The following PTGS1 variants were observed in gnomAD, a reference collection of about 807,000 sequenced individuals.
PTGS1 encodes prostaglandin G/H synthase 1.
In PTGS1, 40 loss-of-function variants were observed where a neutral mutation model predicts 63.0. That is an observed-to-expected ratio of 0.63 (90% CI 0.49 to 0.83). The LOEUF (loss-of-function observed/expected upper bound fraction) is 0.83, where lower values mean the gene tolerates loss of function less well. PTGS1 is among the 40% of genes least tolerant of loss of function. The pLI, the probability that PTGS1 is intolerant of heterozygous loss-of-function variation, is 0.00. For synonymous variants in PTGS1, 298 were observed against 301.9 expected, an observed-to-expected ratio of 0.99 and a Z score of 0.13; for missense variants, 709 against 786.5, an observed-to-expected ratio of 0.90 and a Z score of 1.18.
At position 122,395,387 on chromosome 9, in the gene PTGS1, T is replaced by C. The variant is rs899663973; in HGVS notation, c.*2843T>C. 7 of 152,230 alleles carry C rather than the reference T, an allele frequency of 4.6e-5. No homozygotes were observed. In the South Asian group the frequency reaches 6.2e-4, roughly 13 times the overall value. The allele number at this position is 152,230 out of a possible 1,614,324, so 9.4% of individuals were successfully genotyped here. A position where few individuals can be genotyped will look rare whatever the true frequency, so the allele number is the denominator to read the frequency against. On this transcript the variant is annotated 3_prime_UTR_variant, in exon 11 of 11. Transcript: ENST00000362012. Reference sequence around the variant, plus strand: ...TTTATTTGTCAGTTTGGTTGGGCTATAGCACACAGTTATTTAATCAAACAG... The same window carrying C: ...TTTATTTGTCAGTTTGGTTGGGCTACAGCACACAGTTATTTAATCAAACAG...
intron 2 of PTGS1, 50 bp from the exon 3 acceptor site, chr9:122,377,849 G>C (rs201829226): frequency 1.3e-6 from 2 of 1,529,612 alleles, no homozygotes; most frequent in African/African-American, 1.4e-5. Flanking sequence ...CTAGATGGGG[G>C]TCAGGAGGCC....
chr9:122,375,356 C>T, intron 2 of PTGS1: 2 of 985,524 alleles, frequency 2.0e-6, no homozygotes, highest in Non-Finnish European at 2.4e-6. Context: ...AGGCAGAGCT[C>T]TAGGGCCATG....
At chr9:122,382,355 T>C (rs1216110393) in intron 7 of PTGS1, among the ~76,000 whole-genome samples, 3 of 152,356 alleles carry the variant, frequency 2.0e-5, no homozygotes, top group South Asian at 2.1e-4. Context: ...TCTTTTTTCA[T>C]GCTGAAGCTT....
intron 2 of PTGS1, among the ~76,000 whole-genome samples, chr9:122,376,909 G>A (rs777472917): frequency 6.6e-6 from 1 of 152,226 alleles, no homozygotes; most frequent in Admixed American, 6.5e-5. Context: ...TTTAGCAAGG[G>A]GGTGGTGGTC....
chr9:122,378,036 T>G, intron 3 of PTGS1, 21 bp downstream of exon 3: 1 of 1,597,110 alleles, frequency 6.3e-7, no homozygotes, highest in Non-Finnish European at 8.6e-7. Context: ...CCTTCAGCCC[T>G]CACTCCTTCC....
In PTGS1 at chr9:122,383,521, G is replaced by GA. The variant is rs1199101142; in HGVS notation, c.778dup (p.Met260AsnfsTer48). On this transcript the variant is annotated frameshift_variant, in exon 8 of 11. Transcript: ENST00000362012. LOFTEE classifies it high-confidence loss of function. ...CCCCATCCCACAGGTGCTGGATGGA[G>GA]AAATGTACCCGCCCTCGGTAGAAGA... is the stretch of plus-strand genomic sequence containing the variant. 6.2e-7 allele frequency: 1 copy of GA among 1,608,464 alleles called. No homozygotes were observed.
rs770451161 is a variant in PTGS1 at position 122,386,451 on chromosome 9, A to T, written c.1015A>T (p.Thr339Ser). The change falls in exon 9 of 11, where the codon ACC (threonine) becomes TCC (serine). Residue 339 changes from threonine (T) to serine (S), a missense_variant. By Grantham distance (58) the Thr-to-Ser change is moderately conservative. Transcript: ENST00000362012. ...TCCAATCCTGCCCTGCCCAGGGGAG[A>T]CCATCAAGATTGTCATCGAGGAGTA... is the stretch of plus-strand genomic sequence containing the variant. ...QTTRLILIGE[T>S]IKIVIEEYVQ... 10 of 1,613,954 alleles carry T rather than the reference A, an allele frequency of 6.2e-6. No individual in the cohort carries two copies. Among genetic ancestry groups the T allele is most frequent in the Non-Finnish European group, 6.8e-6 (8 of 1,179,974 alleles).
chr9:122,393,691 T>C lies in PTGS1; in HGVS notation c.*1147T>C, dbSNP rs1256170586. 6.6e-6 allele frequency: 1 copy of C among 152,262 alleles called. No individual in the cohort carries two copies. The highest frequency in any genetic ancestry group is 6.5e-5 in the Admixed American group (1 of 15,292). The allele number at this position is 152,262 out of a possible 1,614,324, so 9.4% of individuals were successfully genotyped here. ...TTGTTCTCACACCAACAGTGTGAAG[T>C]GCGTGGTATAATCTCCATTTCAAAA... On this transcript the variant is annotated 3_prime_UTR_variant, in exon 11 of 11. Transcript: ENST00000362012.
At chr9:122,371,381 G>A in intron 2 of PTGS1, 109 bp downstream of exon 2, 1 of 1,533,442 alleles carries the variant, frequency 6.5e-7, no homozygotes, top group South Asian at 1.2e-5. Flanking sequence ...TTCTGCTCGC[G>A]GTGCTGAGAA....
intron 8 of PTGS1, among the ~76,000 whole-genome samples, chr9:122,384,265 G>T (rs57941567): frequency 0.023 from 3,510 of 152,188 alleles, 116 homozygotes; most frequent in African/African-American, 0.078. Flanking sequence ...CTATGGGGGC[G>T]AGTCTGCAAC....
intron 10 of PTGS1, among the ~76,000 whole-genome samples, chr9:122,391,567 G>A (rs932152231): frequency 1.3e-5 from 2 of 151,104 alleles, no homozygotes; most frequent in Non-Finnish European, 2.9e-5. Context: ...ATGGATTTGA[G>A]GAACTGGGCA....
At chr9:122,389,632 A>G (rs1373409378) in intron 9 of PTGS1, among the ~76,000 whole-genome samples, 1 of 152,046 alleles carries the variant, frequency 6.6e-6, no homozygotes, top group East Asian at 1.9e-4. Flanking sequence ...GCCACAAAAG[A>G]GGTCCTCTTG....
intron 10 of PTGS1, among the ~76,000 whole-genome samples, chr9:122,390,548 A>C (rs1331774520): frequency 1.3e-5 from 2 of 152,176 alleles, no homozygotes; most frequent in African/African-American, 4.8e-5. Flanking sequence ...TTTGGAGAAC[A>C]AATGGCATTT....
Position 122,378,472 on chromosome 9 carries a change from G to A in PTGS1, c.251G>A (p.Ser84Asn), listed in dbSNP as rs1837315856. 1.2e-6 allele frequency: 2 copies of A among 1,614,188 alleles called. No individual in the cohort carries two copies. Among genetic ancestry groups the A allele is most frequent in the East Asian group, 4.5e-5 (2 of 44,890 alleles). ...TGGCTCCGGAATTCACTGCGGCCCA[G>A]CCCCTCTTTCACCCACTTCCTGCTC... Reference protein sequence around the residue: ...WTWLRNSLRPSPSFTHFLLTH... With the variant: ...WTWLRNSLRPNPSFTHFLLTH... The change falls in exon 4 of 11, where the codon AGC becomes AAC. Residue 84 changes from serine (S) to asparagine (N), a missense_variant. Transcript: ENST00000362012.
chr9:122,390,066 C>A, intron 9 of PTGS1, 132 bp from the exon 10 acceptor site: 1 of 1,099,948 alleles, frequency 9.1e-7, no homozygotes, highest in Non-Finnish European at 1.2e-6. Context: ...ATCACAACTG[C>A]TAGGCTGCCC....
chr9:122,393,683 G>A lies in PTGS1; in HGVS notation c.*1139G>A, dbSNP rs1188967982. 6.6e-6 allele frequency: 1 copy of A among 152,406 alleles called. No homozygotes were observed. The highest frequency in any genetic ancestry group is 2.4e-5 in the African/African-American group (1 of 41,586). The allele number at this position is 152,406 out of a possible 1,614,324, so 9.4% of individuals were successfully genotyped here. A position where few individuals can be genotyped will look rare whatever the true frequency, so the allele number is the denominator to read the frequency against. On this transcript the variant is annotated 3_prime_UTR_variant, in exon 11 of 11. Transcript: ENST00000362012. ...ATTCTCATTTGTTCTCACACCAACA[G>A]TGTGAAGTGCGTGGTATAATCTCCA... is the stretch of plus-strand genomic sequence containing the variant.
In PTGS1 at chr9:122,390,256, G is replaced by A. The variant is rs770569428; in HGVS notation, c.1355G>A (p.Arg452Lys). Residue 452 changes from arginine to lysine, a missense_variant, in exon 10 of 11, where the codon AGG (arginine) becomes AAG (lysine). Coordinates refer to ENST00000362012, the MANE Select transcript of PTGS1 (RefSeq NM_000962.4). Reference protein sequence around the residue: ...HILHVAVDVIRESREMRLQPF... With the variant: ...HILHVAVDVIKESREMRLQPF... The stretch of plus-strand genomic sequence containing the variant: ...CTGCATGTGGCTGTGGATGTCATCA[G>A]GGAGTCTCGGGAGATGCGGCTGCAG... 6 of 1,614,056 alleles carry A rather than the reference G, an allele frequency of 3.7e-6. No homozygotes were observed. The East Asian group carries it at 1.1e-4, about 30-fold the overall frequency.
intron 2 of PTGS1, among the ~76,000 whole-genome samples, chr9:122,375,786 T>G (rs531381059): frequency 1.1e-4 from 17 of 152,024 alleles, no homozygotes; most frequent in Non-Finnish European, 2.1e-4. Context: ...TGCTGAGGGT[T>G]TGGGGCTAAG....
chr9:122,386,790 G>A, intron 9 of PTGS1, 58 bp downstream of exon 9: 2 of 1,579,958 alleles, frequency 1.3e-6, no homozygotes, highest in Non-Finnish European at 1.7e-6. Flanking sequence ...AGCAGACCTG[G>A]GTCCAAATTC....
Sources: gnomAD v4.1 joint callset for allele counts (sites outside exome capture counted in the v4.1 genomes callset) on GRCh38, gnomAD v4.1.1 for gene constraint, MANE v1.5 for transcripts, NCBI Gene and HGNC (gene_info 2026-07-23, HGNC 2026-07-21) for gene names.